LEPR: variants seen among roughly 807,000 people sequenced by gnomAD.
The protein encoded by LEPR is OB receptor.
A neutral mutation model predicts 114.7 loss-of-function variants in LEPR; 56 were observed. The ratio of observed to expected loss-of-function variants is 0.49; its 90% confidence interval spans 0.39 to 0.61. The LOEUF (loss-of-function observed/expected upper bound fraction) is 0.61, where lower values mean the gene tolerates loss of function less well. Among genes scored for constraint, LEPR ranks in the 20% least tolerant of loss-of-function variants. LEPR has a pLI of 0.00. For synonymous variants in LEPR, 443 were observed against 461.4 expected, an observed-to-expected ratio of 0.96 and a Z score of 0.51; for missense variants, 1,202 against 1,352.9, an observed-to-expected ratio of 0.89 and a Z score of 1.75.
intron 3 of LEPR, 114 bp from the exon 4 acceptor site, chr1:65,570,359 C>T: frequency 9.9e-7 from 1 of 1,013,316 alleles, no homozygotes; most frequent in South Asian, 1.7e-5. Flanking sequence ...TCACTGAGGA[C>T]TTAGAAAGTT....
chr1:65,601,048 T>C (rs1317425376), intron 8 of LEPR, among the ~76,000 whole-genome samples: 3 of 152,062 alleles, frequency 2.0e-5, no homozygotes, highest in Non-Finnish European at 2.9e-5. Flanking sequence ...TTGGAAAATA[T>C]GTCATTGTTG....
At chr1:65,518,379 G>A (rs966534104) in intron 2 of LEPR, among the ~76,000 whole-genome samples, 2 of 151,940 alleles carry the variant, frequency 1.3e-5, no homozygotes, top group African/African-American at 4.8e-5. Context: ...AGGCCGAGGG[G>A]GTCCATGAGT....
intron 19 of LEPR, chr1:65,626,128 G>T (rs752359213): frequency 6.2e-7 from 1 of 1,612,212 alleles, no homozygotes; most frequent in Non-Finnish European, 8.5e-7. Context: ...TCCAGAAAAT[G>T]CCTGGCACAA....
intron 2 of LEPR, among the ~76,000 whole-genome samples, chr1:65,519,155 T>TTC (rs1557636790): frequency 2.6e-4 from 30 of 114,188 alleles, no homozygotes; most frequent in African/African-American, 8.6e-4. Context: ...TTCCTTCCTT[T>TTC]CCTTCCTTCC....
At chr1:65,527,110 A>G (rs1650027851) in intron 2 of LEPR, among the ~76,000 whole-genome samples, 2 of 152,232 alleles carry the variant, frequency 1.3e-5, no homozygotes, top group Non-Finnish European at 2.9e-5. Context: ...TAAGTATTGT[A>G]CATCTGGAGG....
intron 19 of LEPR, among the ~76,000 whole-genome samples, chr1:65,631,691 A>G (rs1408001602): frequency 6.6e-6 from 1 of 152,176 alleles, no homozygotes; most frequent in East Asian, 1.9e-4. Context: ...AATCTTAAAC[A>G]TATATTGAAT....
intron 2 of LEPR, among the ~76,000 whole-genome samples, chr1:65,526,646 A>C (rs1414129038): frequency 2.0e-5 from 3 of 152,194 alleles, no homozygotes; most frequent in Non-Finnish European, 4.4e-5. Context: ...AATTGGAATC[A>C]GAAAATCTGA....
Position 65,570,568 on chromosome 1 carries a change from T to C in LEPR, c.136T>C (p.Tyr46His), listed in dbSNP as rs759874242. ...SCMPPNSTYDYFLLPAGLSKN... is the reference protein window; with the variant it reads ...SCMPPNSTYDHFLLPAGLSKN... The stretch of plus-strand genomic sequence containing the variant: ...CATGCCACCAAATTCAACCTATGAC[T>C]ACTTCCTTTTGCCTGCTGGACTCTC... Residue 46 changes from tyrosine (Y) to histidine (H), a missense_variant, in exon 4 of 20, where the codon TAC (tyrosine) becomes CAC (histidine). Tyr to His is a moderately conservative substitution (Grantham distance 83, BLOSUM62 2). Coordinates refer to ENST00000349533, the MANE Select transcript of LEPR (RefSeq NM_002303.6). 1.2e-5 allele frequency: 19 copies of C among 1,613,918 alleles called. No homozygotes were observed. The highest frequency in any genetic ancestry group is 1.5e-5 in the Non-Finnish European group (18 of 1,179,960).
intron 2 of LEPR, chr1:65,429,712 A>C: frequency 1.6e-6 from 1 of 641,506 alleles, no homozygotes; most frequent in South Asian, 4.1e-5. Context: ...TATCCCTGGT[A>C]GAAATCATCT....
At chr1:65,434,275 A>G in intron 2 of LEPR, 1 of 983,432 alleles carries the variant, frequency 1.0e-6, no homozygotes, top group Non-Finnish European at 1.2e-6. Flanking sequence ...CAAAAGTTTG[A>G]TCATGGTGAC....
chr1:65,529,108 T>C (rs1335415533), intron 2 of LEPR, among the ~76,000 whole-genome samples: 1 of 151,984 alleles, frequency 6.6e-6, no homozygotes, highest in Non-Finnish European at 1.5e-5. Context: ...CCATCATGCC[T>C]GGCCCAAAAA....
chr1:65,541,653 A>G (rs1651198758), intron 2 of LEPR, among the ~76,000 whole-genome samples: 1 of 152,182 alleles, frequency 6.6e-6, no homozygotes, highest in African/African-American at 2.4e-5. Flanking sequence ...ATCAGGCTAT[A>G]TTTATTTTGT....
intron 8 of LEPR, among the ~76,000 whole-genome samples, chr1:65,600,027 A>G (rs1446930980): frequency 2.6e-5 from 4 of 152,118 alleles, no homozygotes; most frequent in Non-Finnish European, 1.5e-5. Context: ...AAGCCTTACT[A>G]TATGTATTTG....
At chr1:65,541,326 G>A (rs1232494114) in intron 2 of LEPR, among the ~76,000 whole-genome samples, 6 of 152,138 alleles carry the variant, frequency 3.9e-5, no homozygotes, top group Admixed American at 1.3e-4. Context: ...AGATTACACC[G>A]TAGGTAAGAT....
intron 5 of LEPR, among the ~76,000 whole-genome samples, chr1:65,587,806 A>G (rs10889565): frequency 0.31 from 46,421 of 151,760 alleles, 7,954 homozygotes; most frequent in East Asian, 0.83. Flanking sequence ...AAAACATTTC[A>G]TATTAGTGGG....
intron 2 of LEPR, among the ~76,000 whole-genome samples, chr1:65,451,520 T>C (rs1319983154): frequency 3.3e-5 from 5 of 152,262 alleles, no homozygotes; most frequent in African/African-American, 1.2e-4. Flanking sequence ...CCCAGTACCA[T>C]TTATTAAATA....
Position 65,572,515 on chromosome 1 carries a change from G to A in LEPR, c.494+66G>A, listed in dbSNP as rs987746139. 19 of 1,438,936 alleles carry A rather than the reference G, an allele frequency of 1.3e-5. No individual in the cohort carries two copies. The East Asian group carries it at 1.8e-4, about 14-fold the overall frequency. 89.1% of individuals were successfully genotyped at this position (1,438,936 alleles called of 1,614,324 possible). On this transcript the variant is annotated intron_variant, in intron 5 of 19. Transcript: ENST00000349533. ...TTTTTTTAAAAGAGCTTTCATATAC[G>A]GAAGTAGATTATAAACCTCTTGCAT...
intron 2 of LEPR, among the ~76,000 whole-genome samples, chr1:65,517,708 C>T (rs899969742): frequency 5.3e-5 from 8 of 152,278 alleles, no homozygotes; most frequent in African/African-American, 9.6e-5. Flanking sequence ...TAGTCTAACT[C>T]GTCTCCCATC....
intron 2 of LEPR, among the ~76,000 whole-genome samples, chr1:65,426,187 G>A (rs763786349): frequency 2.8e-4 from 42 of 152,088 alleles, no homozygotes; most frequent in Admixed American, 5.2e-4. Flanking sequence ...AGATCTCTAG[G>A]GAAAAAGCAC....
Sources: gnomAD v4.1 joint callset for allele counts (sites outside exome capture counted in the v4.1 genomes callset) on GRCh38, gnomAD v4.1.1 for gene constraint, MANE v1.5 for transcripts, NCBI Gene and HGNC (gene_info 2026-07-23, HGNC 2026-07-21) for gene names.